The following PPARGC1A variants were observed in gnomAD, a reference collection of about 807,000 sequenced individuals.
PPARGC1A encodes peroxisome proliferator-activated receptor gamma coactivator 1-alpha.
A neutral mutation model predicts 88.7 loss-of-function variants in PPARGC1A; 25 were observed. The ratio of observed to expected loss-of-function variants is 0.28; its 90% CI spans 0.21 to 0.39. PPARGC1A has a LOEUF of 0.39. PPARGC1A is among the 10% of genes least tolerant of loss of function. PPARGC1A has a pLI of 1.00. For synonymous variants in PPARGC1A, 363 were observed against 355.6 expected, an observed-to-expected ratio of 1.02 and a Z score of -0.24; for missense variants, 880 against 968.7, an observed-to-expected ratio of 0.91 and a Z score of 1.22.
chr4:23,947,136 G>A, the PPARGC1A span, among the ~76,000 whole-genome samples: 2 of 151,742 alleles, frequency 1.3e-5, no homozygotes, highest in Non-Finnish European at 2.9e-5. Flanking sequence ...ACCTCACTGA[G>A]AGAATTTGAT....
At chr4:24,265,912 G>A in the PPARGC1A span, among the ~76,000 whole-genome samples, 20 of 133,942 alleles carry the variant, frequency 1.5e-4, no homozygotes, top group African/African-American at 5.0e-4. Context: ...GAGAGGAAAG[G>A]ACTAAAAAGA....
chr4:24,029,423 G>A, the PPARGC1A span, among the ~76,000 whole-genome samples: 128 of 152,250 alleles, frequency 8.4e-4, no homozygotes, highest in African/African-American at 2.9e-3. Flanking sequence ...TCTCCTGGAT[G>A]GTACCTGATG....
the PPARGC1A span, among the ~76,000 whole-genome samples, chr4:24,449,799 G>T: frequency 4.2e-3 from 636 of 152,130 alleles, 3 homozygotes; most frequent in East Asian, 0.036. Flanking sequence ...TCTATTATAG[G>T]TCAACAAAAA....
chr4:24,272,457 C>A, the PPARGC1A span, among the ~76,000 whole-genome samples: 3 of 152,242 alleles, frequency 2.0e-5, no homozygotes, highest in African/African-American at 7.2e-5. Flanking sequence ...GTCATACCCC[C>A]CTGACTTACC....
the PPARGC1A span, among the ~76,000 whole-genome samples, chr4:24,143,020 G>A: frequency 3.9e-5 from 6 of 152,154 alleles, no homozygotes; most frequent in Admixed American, 6.5e-5. Flanking sequence ...TTATTATTAC[G>A]TGGGGAACAA....
the PPARGC1A span, among the ~76,000 whole-genome samples, chr4:24,286,091 C>T: frequency 9.9e-5 from 15 of 152,124 alleles, no homozygotes; most frequent in African/African-American, 3.4e-4. Flanking sequence ...TCCCTCTCTC[C>T]CTCTTTTACC....
At chr4:23,910,323 TATTATATATTATA>T in the PPARGC1A span, among the ~76,000 whole-genome samples, 1,176 of 53,146 alleles carry the variant, frequency 0.022, 47 homozygotes, top group East Asian at 0.18. Context: ...ATATTATATA[TATTATATATTATA>T]TATATTATAT....
chr4:24,009,482 G>A, the PPARGC1A span, among the ~76,000 whole-genome samples: 1 of 152,238 alleles, frequency 6.6e-6, no homozygotes, highest in African/African-American at 2.4e-5. Context: ...GCTCTAAAGA[G>A]TCAATCAGCC....
the PPARGC1A span, among the ~76,000 whole-genome samples, chr4:24,223,250 A>ATTTT: frequency 4.4e-5 from 6 of 135,376 alleles, no homozygotes; most frequent in South Asian, 2.3e-4. Context: ...ACTTTTGTGG[A>ATTTT]TTTTTTTTTT....
chr4:24,154,585 A>G, the PPARGC1A span, among the ~76,000 whole-genome samples: 2 of 152,198 alleles, frequency 1.3e-5, no homozygotes, highest in Non-Finnish European at 2.9e-5. Flanking sequence ...GCTTTCTCAT[A>G]TCACATTTTC....
At chr4:24,197,439 C>A in the PPARGC1A span, among the ~76,000 whole-genome samples, 1 of 152,174 alleles carries the variant, frequency 6.6e-6, no homozygotes, top group African/African-American at 2.4e-5. Flanking sequence ...GGAAAAGGGC[C>A]TCTCTCTCTT....
At chr4:23,883,729 A>G (rs1260954137) in intron 2 of PPARGC1A, 1 of 152,220 alleles carries the variant, frequency 6.6e-6, no homozygotes, top group African/African-American at 2.4e-5. Flanking sequence ...TAATATATTC[A>G]TCATTCTCTC....
the PPARGC1A span, among the ~76,000 whole-genome samples, chr4:24,098,570 A>G: frequency 6.6e-6 from 1 of 152,234 alleles, no homozygotes; most frequent in Non-Finnish European, 1.5e-5. Flanking sequence ...TCAAACCAAG[A>G]AACAGAATCC....
chr4:23,831,496 C>A, intron 3 of PPARGC1A, 61 bp downstream of exon 3: 1 of 1,441,884 alleles, frequency 6.9e-7, no homozygotes, highest in Non-Finnish European at 9.7e-7. Flanking sequence ...TACATCATAC[C>A]CATGCAGCGG....
At chr4:24,164,198 A>G in the PPARGC1A span, among the ~76,000 whole-genome samples, 1 of 152,194 alleles carries the variant, frequency 6.6e-6, no homozygotes, top group Non-Finnish European at 1.5e-5. Context: ...GAGTGAGCTG[A>G]GCTCCATGCA....
chr4:24,370,871 G>A, the PPARGC1A span, among the ~76,000 whole-genome samples: 8 of 144,402 alleles, frequency 5.5e-5, no homozygotes, highest in South Asian at 2.2e-4. Flanking sequence ...CTATCAACCC[G>A]TCATCTAGGT....
At chr4:23,980,136 A>G in the PPARGC1A span, among the ~76,000 whole-genome samples, 1 of 145,880 alleles carries the variant, frequency 6.9e-6, no homozygotes, top group Non-Finnish European at 1.5e-5. Context: ...TGTTTTGATT[A>G]ATTTAGACAG....
chr4:24,150,844 T>C, the PPARGC1A span, among the ~76,000 whole-genome samples: 2 of 152,158 alleles, frequency 1.3e-5, no homozygotes, highest in African/African-American at 4.8e-5. Flanking sequence ...CATTATACCA[T>C]GGCTGAGTAC....
intron 2 of PPARGC1A, chr4:23,883,111 A>G (rs1025407181): frequency 6.6e-6 from 1 of 152,194 alleles, no homozygotes; most frequent in African/African-American, 2.4e-5. Context: ...GGAATGTTCA[A>G]TTTACCAGTT....
Sources: gnomAD v4.1 joint callset for allele counts (sites outside exome capture counted in the v4.1 genomes callset) on GRCh38, gnomAD v4.1.1 for gene constraint, MANE v1.5 for transcripts, NCBI Gene and HGNC (gene_info 2026-07-23, HGNC 2026-07-21) for gene names.